Variants in GRK7 observed in about 807,000 individuals in gnomAD.
The protein encoded by GRK7 is G protein-coupled receptor kinase 7.
GRK7 carries 24 observed loss-of-function variants against 34.1 expected under a neutral mutation model. The ratio of observed to expected loss-of-function variants is 0.70; its 90% CI spans 0.51 to 0.99. The LOEUF is 0.99. Ranked by LOEUF, GRK7 falls within the 50% of genes least tolerant of loss-of-function variation. The pLI is 0.00. For synonymous variants in GRK7, 256 were observed against 279.4 expected (o/e 0.92, Z 0.84); for missense variants, 644 against 707.3 (o/e 0.91, Z 1.02).
chr3:141,789,656 C>G (rs1354758241), intron 4 of GRK7, among the ~76,000 whole-genome samples: 1 of 119,230 alleles, frequency 8.4e-6, no homozygotes. Flanking sequence ...GCCAAATGGG[C>G]AAAAAAAAAA....
chr3:141,750,900 A>G, the GRK7 span, among the ~76,000 whole-genome samples: 10 of 152,104 alleles, frequency 6.6e-5, no homozygotes, highest in African/African-American at 2.2e-4. Flanking sequence ...AAGGGAGTGC[A>G]GTGGCACACA....
At chr3:141,771,187 G>C (rs1029487711) in intron 1 of GRK7, among the ~76,000 whole-genome samples, 5 of 151,972 alleles carry the variant, frequency 3.3e-5, no homozygotes, top group African/African-American at 1.2e-4. Context: ...TGGGTGACTG[G>C]GTAAAGAAAA....
upstream of GRK7, among the ~76,000 whole-genome samples, chr3:141,760,370 G>A (rs1297186529): frequency 7.1e-6 from 1 of 141,588 alleles, no homozygotes; most frequent in African/African-American, 2.7e-5. Flanking sequence ...ATTTCGTTAT[G>A]TACCCAGTAG....
chr3:141,789,663 A>AAAAAAAAAAAAAAAAAAAAAAAAAAC (rs796539386), intron 4 of GRK7, among the ~76,000 whole-genome samples: 16 of 146,846 alleles, frequency 1.1e-4, no homozygotes, highest in Admixed American at 1.4e-4. Flanking sequence ...GGGCAAAAAA[A>AAAAAAAAAAAAAAAAAAAAAAAAAAC]AAAAAAACAC....
At chr3:141,756,368 T>C in the GRK7 span, among the ~76,000 whole-genome samples, 1 of 151,900 alleles carries the variant, frequency 6.6e-6, no homozygotes, top group Non-Finnish European at 1.5e-5. Flanking sequence ...ACAGCCTGGC[T>C]GAATCTTTAT....
intron 4 of GRK7, among the ~76,000 whole-genome samples, chr3:141,806,477 G>A (rs1210975216): frequency 6.6e-6 from 1 of 151,970 alleles, no homozygotes; most frequent in Non-Finnish European, 1.5e-5. Context: ...GCAGGAGAAC[G>A]GCTTGAACCT....
the GRK7 span, among the ~76,000 whole-genome samples, chr3:141,752,101 C>T: frequency 1.3e-5 from 2 of 152,052 alleles, no homozygotes; most frequent in Non-Finnish European, 2.9e-5. Context: ...ATTCACTGGA[C>T]CTGGAGAAAA....
chr3:141,814,015 G>A (rs76013893), intron 5 of GRK7, among the ~76,000 whole-genome samples: 2,784 of 152,222 alleles, frequency 0.018, 58 homozygotes, highest in East Asian at 0.092. Flanking sequence ...TGCCTTAGTC[G>A]TCTTGCTGGG....
Position 141,778,213 on chromosome 3 carries a change from C to G in GRK7, c.-72C>G. On this transcript the variant is annotated 5_prime_UTR_variant, in exon 3 of 6. Coordinates refer to ENST00000682958, the MANE Select transcript of GRK7 (RefSeq NM_139209.3). The surrounding 1 kb of genome is among the most constrained non-coding windows in gnomAD (Gnocchi z 4.1). ...TAAATCCCTTGGACGTTGTCTCACC[C>G]GGGAAGGGAAAGCAGCCAGCAGCCC... is the stretch of plus-strand genomic sequence containing the variant. 2 of 1,506,874 alleles carry G rather than the reference C, an allele frequency of 1.3e-6. No individual in the cohort carries two copies. Among genetic ancestry groups the G allele is most frequent in the Non-Finnish European group, 1.8e-6 (2 of 1,126,298 alleles). 93.3% of individuals were successfully genotyped at this position (1,506,874 alleles called of 1,614,324 possible).
At chr3:141,799,506 G>A (rs1475985212) in intron 4 of GRK7, among the ~76,000 whole-genome samples, 1 of 152,042 alleles carries the variant, frequency 6.6e-6, no homozygotes. Context: ...CAGCTACTCA[G>A]GAGGCTGAGG....
At chr3:141,750,715 AC>A in the GRK7 span, among the ~76,000 whole-genome samples, 656 of 151,720 alleles carry the variant, frequency 4.3e-3, 7 homozygotes, top group African/African-American at 0.015. Context: ...TGCAGCTACA[AC>A]CTGTAAAAAA....
chr3:141,814,881 A>G (rs1028283350), intron 5 of GRK7, among the ~76,000 whole-genome samples: 2 of 133,652 alleles, frequency 1.5e-5, no homozygotes, highest in Non-Finnish European at 3.2e-5. Flanking sequence ...CCCCTCCAAT[A>G]TCTGTTTTTG....
chr3:141,754,811 T>C, the GRK7 span, among the ~76,000 whole-genome samples: 1 of 152,212 alleles, frequency 6.6e-6, no homozygotes, highest in African/African-American at 2.4e-5. Context: ...ACATATACTT[T>C]CTTTTCAGAG....
chr3:141,798,075 C>T (rs2107888186), intron 4 of GRK7, among the ~76,000 whole-genome samples: 1 of 152,302 alleles, frequency 6.6e-6, no homozygotes. Context: ...TTCAGAGTGA[C>T]AGCTACAGGG....
intron 5 of GRK7, among the ~76,000 whole-genome samples, chr3:141,811,520 G>T (rs1711092142): frequency 6.6e-6 from 1 of 152,088 alleles, no homozygotes; most frequent in South Asian, 2.1e-4. Context: ...AGCATCTGTT[G>T]TTGTGACTGT....
chr3:141,818,013 C>T lies in GRK7; in HGVS notation c.*963C>T, dbSNP rs1171307466. 1.3e-5 allele frequency: 2 copies of T among 152,184 alleles called. No individual in the cohort carries two copies. The highest frequency in any genetic ancestry group is 2.9e-5 in the Non-Finnish European group (2 of 68,028). The allele number at this position is 152,184 out of a possible 1,614,324, so 9.4% of individuals were successfully genotyped here. A position where few individuals can be genotyped will look rare whatever the true frequency, so the allele number is the denominator to read the frequency against. Reference sequence around the variant, plus strand: ...CTTCAATCATACATTTTGATGGCAACTTTTCAAATGTCCCCAAAGCATGTC... The same window carrying T: ...CTTCAATCATACATTTTGATGGCAATTTTTCAAATGTCCCCAAAGCATGTC... On this transcript the variant is annotated 3_prime_UTR_variant, in exon 6 of 6. Coordinates refer to ENST00000682958, the MANE Select transcript of GRK7 (RefSeq NM_139209.3).
At chr3:141,799,111 CA>C (rs1388073917) in intron 4 of GRK7, among the ~76,000 whole-genome samples, 6 of 151,956 alleles carry the variant, frequency 3.9e-5, no homozygotes, top group African/African-American at 1.5e-4. Flanking sequence ...CAGCCTGAAA[CA>C]GGCAAAAAAT....
At chr3:141,798,964 A>G (rs1391765724) in intron 4 of GRK7, among the ~76,000 whole-genome samples, 1 of 152,030 alleles carries the variant, frequency 6.6e-6, no homozygotes, top group Non-Finnish European at 1.5e-5. Context: ...TGCTCTTTCC[A>G]CTACACCAGG....
intron 4 of GRK7, among the ~76,000 whole-genome samples, chr3:141,797,348 G>C (rs1213673836): frequency 6.6e-6 from 1 of 152,184 alleles, no homozygotes; most frequent in Non-Finnish European, 1.5e-5. Flanking sequence ...GAGCATGCGG[G>C]GCGGGCGGAG....
Sources: gnomAD v4.1 joint callset for allele counts (sites outside exome capture counted in the v4.1 genomes callset) on GRCh38, gnomAD v4.1.1 for gene constraint, Gnocchi (gnomAD v3.1) non-coding constraint, MANE v1.5 for transcripts, NCBI Gene and HGNC (gene_info 2026-07-23, HGNC 2026-07-21) for gene names.